Variants in AFF3 observed in about 807,000 individuals in gnomAD.
The protein encoded by AFF3 is AF4/FMR2 family member 3.
In AFF3, 32 loss-of-function variants were observed where a neutral mutation model predicts 129.7. The ratio of observed to expected loss-of-function variants is 0.25; its 90% CI spans 0.19 to 0.33. AFF3 has a LOEUF of 0.33. Among genes scored for constraint, AFF3 ranks in the 10% least tolerant of loss-of-function variants. The pLI is 1.00. For synonymous variants in AFF3, 644 were observed against 635.4 expected, an observed-to-expected ratio of 1.01 and a Z score of -0.20; for missense variants, 1,373 against 1,592.0, an observed-to-expected ratio of 0.86 and a Z score of 2.34.
chr2:99,598,705 G>A (rs765343073), intron 14 of AFF3, among the ~76,000 whole-genome samples: 8 of 152,206 alleles, frequency 5.3e-5, no homozygotes, highest in Non-Finnish European at 8.8e-5. Flanking sequence ...GGAATGTGAG[G>A]TGCATGGCTA....
chr2:99,951,236 G>A (rs941354407), intron 7 of AFF3, among the ~76,000 whole-genome samples: 2 of 152,112 alleles, frequency 1.3e-5, no homozygotes, highest in Admixed American at 6.5e-5. Flanking sequence ...TTCATAAAGA[G>A]GATCATTTTT....
chr2:99,792,686 A>AACTG (rs547981876), intron 8 of AFF3, among the ~76,000 whole-genome samples: 69 of 152,294 alleles, frequency 4.5e-4, no homozygotes, highest in Non-Finnish European at 9.1e-4. Context: ...AATATATCTT[A>AACTG]AATTTTGCCA....
At chr2:99,566,312 G>C (rs1675961643) in intron 19 of AFF3, among the ~76,000 whole-genome samples, 1 of 151,808 alleles carries the variant, frequency 6.6e-6, no homozygotes, top group Non-Finnish European at 1.5e-5. Flanking sequence ...AGTGAGTAGG[G>C]GAAAGGAGAG....
At chr2:100,121,322 C>T (rs190714211) in intron 2 of AFF3, among the ~76,000 whole-genome samples, 119 of 152,330 alleles carry the variant, frequency 7.8e-4, no homozygotes, top group African/African-American at 2.7e-3. Flanking sequence ...AGTGGTTTGA[C>T]TTCAGAGGGA....
At position 100,001,004 on chromosome 2, in the gene AFF3, C is replaced by T. The variant is rs564713584; in HGVS notation, c.873+5628G>A. ...CACGGGATCACACATCACTTTCAAC[C>T]AACTCCAAACACAGAAGCCCGGGGG... On this transcript the variant is annotated intron_variant, in intron 7 of 24. Transcript: ENST00000672756. 2.0e-5 allele frequency among the ~76,000 whole-genome samples: 3 copies of T among 152,324 alleles called. No homozygotes were observed. In the South Asian group the frequency reaches 6.2e-4, roughly 32 times the overall value.
chr2:99,551,776 T>C (rs934784647), intron 24 of AFF3, among the ~76,000 whole-genome samples, 181 bp from the exon 25 acceptor site: 2 of 152,246 alleles, frequency 1.3e-5, no homozygotes, highest in African/African-American at 4.8e-5. Flanking sequence ...ACTCATCCTA[T>C]ATCCAAATAA....
chr2:99,598,458 G>A lies in AFF3; in HGVS notation c.1371+2977C>T, dbSNP rs182215069. On this transcript the variant is annotated intron_variant, in intron 14 of 24. Coordinates refer to ENST00000672756, the MANE Select transcript of AFF3 (RefSeq NM_001386135.1). Reference sequence around the variant, plus strand: ...CACAGAGAGGGCCCCTCCATGCTACGCGGGAACATGGCATTACCATACTAC... The same window carrying A: ...CACAGAGAGGGCCCCTCCATGCTACACGGGAACATGGCATTACCATACTAC... Among the ~76,000 whole-genome samples, 370 of 152,282 alleles carry A rather than the reference G, an allele frequency of 2.4e-3. 1 individual carries two copies. Among genetic ancestry groups the A allele is most frequent in the Non-Finnish European group, 3.8e-3 (256 of 68,022 alleles).
At chr2:99,558,347 G>A (rs1199682253) in intron 22 of AFF3, among the ~76,000 whole-genome samples, 3 of 152,188 alleles carry the variant, frequency 2.0e-5, no homozygotes, top group African/African-American at 2.4e-5. Context: ...AAGGCTGGGC[G>A]TGGTGGCTCA....
chr2:100,037,842 A>G (rs1685096164), intron 4 of AFF3, among the ~76,000 whole-genome samples: 1 of 140,976 alleles, frequency 7.1e-6, no homozygotes, highest in Non-Finnish European at 1.5e-5. Context: ...ATATCTATTT[A>G]CAAATAAACA....
At chr2:99,608,298 C>T (rs1680572604) in intron 13 of AFF3, among the ~76,000 whole-genome samples, 1 of 152,164 alleles carries the variant, frequency 6.6e-6, no homozygotes, top group Non-Finnish European at 1.5e-5. Flanking sequence ...TGTTTCCCTA[C>T]TCTGTAAAGG....
At chr2:99,795,772 C>T (rs991175838) in intron 8 of AFF3, among the ~76,000 whole-genome samples, 6 of 151,794 alleles carry the variant, frequency 4.0e-5, no homozygotes, top group Admixed American at 6.6e-5. Flanking sequence ...CTCTTCTGCC[C>T]TCCAGGTGGT....
chr2:99,841,540 G>T (rs545592585), intron 7 of AFF3, among the ~76,000 whole-genome samples: 1 of 152,324 alleles, frequency 6.6e-6, no homozygotes, highest in East Asian at 1.9e-4. Context: ...AACCTCTTGA[G>T]TCTTTTCAGA....
At chr2:99,979,981 T>C (rs1047452599) in intron 7 of AFF3, among the ~76,000 whole-genome samples, 1 of 152,154 alleles carries the variant, frequency 6.6e-6, no homozygotes, top group Non-Finnish European at 1.5e-5. Context: ...TCACTCTCTA[T>C]GGTTTTCAGC....
At chr2:99,781,403 C>T (rs548260238) in intron 8 of AFF3, among the ~76,000 whole-genome samples, 4 of 152,338 alleles carry the variant, frequency 2.6e-5, no homozygotes, top group East Asian at 1.9e-4. Flanking sequence ...CCCTTGCTAA[C>T]ATGTAAACAT....
At chr2:100,003,505 A>T (rs1681651166) in intron 7 of AFF3, among the ~76,000 whole-genome samples, 1 of 152,176 alleles carries the variant, frequency 6.6e-6, no homozygotes, top group African/African-American at 2.4e-5. Context: ...AGAATAAAAG[A>T]CTCAGCTACA....
At chr2:99,588,962 C>T (rs1400127885) in intron 15 of AFF3, among the ~76,000 whole-genome samples, 1 of 152,288 alleles carries the variant, frequency 6.6e-6, no homozygotes, top group Non-Finnish European at 1.5e-5. Flanking sequence ...GTAAATGAAG[C>T]TTCTTAAGTT....
chr2:99,732,498 C>T (rs973665293), intron 10 of AFF3, among the ~76,000 whole-genome samples: 1 of 151,766 alleles, frequency 6.6e-6, no homozygotes, highest in Non-Finnish European at 1.5e-5. Context: ...CTAATCATAC[C>T]TAGGCATTCT....
intron 9 of AFF3, among the ~76,000 whole-genome samples, chr2:99,748,832 T>C (rs796555568): frequency 5.9e-5 from 9 of 152,366 alleles, no homozygotes; most frequent in African/African-American, 2.2e-4. Context: ...TATTACTTTC[T>C]TGACCCAAGG....
chr2:100,061,761 G>T (rs919341020), intron 4 of AFF3, among the ~76,000 whole-genome samples: 7 of 150,594 alleles, frequency 4.6e-5, no homozygotes, highest in Admixed American at 2.0e-4. Context: ...GTGAGAAACA[G>T]AAGTCAACAG....
Sources: allele counts gnomAD v4.1 joint callset (sites outside exome capture counted in the v4.1 genomes callset), GRCh38; gene constraint gnomAD v4.1.1; transcripts MANE v1.5; gene names NCBI Gene and HGNC (gene_info 2026-07-23, HGNC 2026-07-21).